Variants in TSPEAR observed in about 807,000 individuals in gnomAD.
TSPEAR encodes the protein thrombospondin type laminin G domain and EAR repeats, also known as thrombospondin-type laminin G domain and EAR repeat-containing protein.
Under a neutral mutation model 71.6 loss-of-function variants are expected in TSPEAR, and 69 were observed. The observed-to-expected ratio is 0.96, with a 90% CI of 0.79 to 1.18. The LOEUF is 1.18. Among genes scored for constraint, TSPEAR ranks in the 50% most tolerant of loss-of-function variants. The pLI, the probability that TSPEAR is intolerant of heterozygous loss-of-function variation, is 0.00. For missense variants in TSPEAR, 971 were observed against 894.9 expected (o/e 1.09, Z -1.09); for synonymous variants, 402 against 387.2 (o/e 1.04, Z -0.45).
chr21:44,704,865 C>T (rs1158064877), intron 1 of TSPEAR, among the ~76,000 whole-genome samples: 2 of 152,148 alleles, frequency 1.3e-5, no homozygotes, highest in African/African-American at 4.8e-5. Flanking sequence ...CTGGATGGAG[C>T]CCAGCTGCCT....
intron 1 of TSPEAR, among the ~76,000 whole-genome samples, chr21:44,617,183 C>G (rs1458437327): frequency 1.3e-5 from 2 of 152,240 alleles, no homozygotes; most frequent in Admixed American, 1.3e-4. Context: ...GCACTGACTC[C>G]TGGCAGGTGG....
intron 1 of TSPEAR, among the ~76,000 whole-genome samples, chr21:44,673,034 C>T (rs1555946294): frequency 6.6e-6 from 1 of 152,170 alleles, no homozygotes; most frequent in East Asian, 1.9e-4. Context: ...TATAGCAATG[C>T]AAGAACGTAC....
Position 44,627,196 on chromosome 21 carries a change from C to T in TSPEAR, c.83-59191G>A, listed in dbSNP as rs200370315. On this transcript the variant is annotated intron_variant, in intron 1 of 11. Coordinates refer to ENST00000323084, the MANE Select transcript of TSPEAR (RefSeq NM_144991.3). ...CATGGCCGCGTCCACCATGTCCATC[C>T]GCTCCAGCGCTTACTCCGACTCCTG... 1,584 of 1,612,010 alleles carry T rather than the reference C, an allele frequency of 9.8e-4. 10 individuals are homozygous for T. In the African/African-American group the frequency reaches 0.018, roughly 18 times the overall value.
intron 1 of TSPEAR, among the ~76,000 whole-genome samples, chr21:44,636,106 A>G (rs73907094): frequency 0.03 from 4,549 of 152,280 alleles, 237 homozygotes; most frequent in African/African-American, 0.1. Context: ...CATGGAGATT[A>G]CAAGTACTTT....
At position 44,509,213 on chromosome 21, in the gene TSPEAR, G is replaced by C; in HGVS notation, c.1740C>G (p.Asp580Glu). 6.2e-7 allele frequency: 1 copy of C among 1,613,950 alleles called. No individual in the cohort carries two copies. ...VTAQAFVKFQDILTCSALDWE... is the reference protein window; with the variant it reads ...VTAQAFVKFQEILTCSALDWE... ...GAGGCGCATACCTGCAGGTGAGAATGTCCTGGAACTTGACAAAGGCCTGCG... is the reference window on the plus strand; with the variant it reads ...GAGGCGCATACCTGCAGGTGAGAATCTCCTGGAACTTGACAAAGGCCTGCG... The change falls in exon 10 of 12, where the codon GAC becomes GAG. Residue 580 changes from aspartate (D) to glutamate (E), a missense_variant. Transcript: ENST00000323084.
chr21:44,683,858 A>G (rs1458018676), intron 1 of TSPEAR, among the ~76,000 whole-genome samples: 3 of 152,366 alleles, frequency 2.0e-5, no homozygotes, highest in African/African-American at 7.2e-5. Context: ...ATGAATGGAT[A>G]AATAGGGAAT....
intron 1 of TSPEAR, among the ~76,000 whole-genome samples, chr21:44,705,579 G>A (rs1987871848): frequency 6.6e-6 from 1 of 152,186 alleles, no homozygotes; most frequent in Admixed American, 6.5e-5. Context: ...GCCCCCCCGG[G>A]GCGTACCTGT....
At chr21:44,683,515 A>G (rs552975620) in intron 1 of TSPEAR, among the ~76,000 whole-genome samples, 1 of 152,028 alleles carries the variant, frequency 6.6e-6, no homozygotes, top group East Asian at 1.9e-4. Flanking sequence ...AAAAATGGTT[A>G]AAAATTAGCC....
intron 5 of TSPEAR, among the ~76,000 whole-genome samples, chr21:44,529,454 G>C (rs1473321512): frequency 1.3e-5 from 2 of 152,200 alleles, no homozygotes; most frequent in African/African-American, 4.8e-5. Context: ...TGTCCTTGGG[G>C]GGCAAAAGGG....
chr21:44,521,938 T>G lies in TSPEAR; in HGVS notation c.1511A>C (p.His504Pro), dbSNP rs1200035781. ...CAGGAGTCGGATGTAGAGGTGCGAG[T>G]GCACCTTGGTGGAGGTGCCGTTGAA... ...NTFNGTSTKV[H>P]SHLYIRLLGS... Residue 504 changes from histidine (H) to proline (P), a missense_variant, in exon 9 of 12, where the codon CAC (histidine) becomes CCC (proline). His to Pro is a moderately conservative substitution (Grantham distance 77). Transcript: ENST00000323084. 6.2e-7 allele frequency: 1 copy of G among 1,613,654 alleles called. No individual in the cohort carries two copies. The highest frequency in any genetic ancestry group is 1.3e-5 in the African/African-American group (1 of 74,798).
intron 1 of TSPEAR, among the ~76,000 whole-genome samples, chr21:44,648,517 T>C (rs1396968691): frequency 1.3e-5 from 2 of 152,084 alleles, no homozygotes; most frequent in African/African-American, 2.4e-5. Flanking sequence ...CATAAATAAG[T>C]GGACAAAGGC....
chr21:44,653,734 G>A (rs1317651828), intron 1 of TSPEAR, among the ~76,000 whole-genome samples: 8 of 152,178 alleles, frequency 5.3e-5, no homozygotes, highest in Non-Finnish European at 1.0e-4. Flanking sequence ...AGTAAGAACT[G>A]ACCTCATACA....
Position 44,528,565 on chromosome 21 carries a change from G to A in TSPEAR, c.809C>T (p.Thr270Met), listed in dbSNP as rs587636728. 360 of 1,614,018 alleles carry A rather than the reference G, an allele frequency of 2.2e-4. 2 individuals are homozygous for A. The South Asian group carries it at 3.4e-3, about 15-fold the overall frequency. ...KYPYETNIRVTLGPQPPCTEV... is the reference protein window; with the variant it reads ...KYPYETNIRVMLGPQPPCTEV... ...GGTACACGGTGGCTGGGGTCCCAGC[G>A]TCACTCGAATGTTGGTTTCTGAGGG... Residue 270 changes from threonine to methionine, a missense_variant, in exon 6 of 12, where the codon ACG (threonine) becomes ATG (methionine). Coordinates refer to ENST00000323084, the MANE Select transcript of TSPEAR (RefSeq NM_144991.3).
At chr21:44,541,004 C>T (rs746670457) in intron 2 of TSPEAR, among the ~76,000 whole-genome samples, 8 of 147,276 alleles carry the variant, frequency 5.4e-5, no homozygotes, top group Non-Finnish European at 1.0e-4. Context: ...GTACAGATGG[C>T]GTCTCAAGTG....
chr21:44,603,226 C>T (rs587769377), intron 1 of TSPEAR, among the ~76,000 whole-genome samples: 1 of 152,202 alleles, frequency 6.6e-6, no homozygotes, highest in East Asian at 1.9e-4. Flanking sequence ...AATAAGCCCC[C>T]ACATGTCCCA....
intron 9 of TSPEAR, among the ~76,000 whole-genome samples, chr21:44,516,876 C>T (rs1555913516): frequency 6.6e-6 from 1 of 152,218 alleles, no homozygotes; most frequent in African/African-American, 2.4e-5. Flanking sequence ...TCCCCTCCTT[C>T]CTTCCCAGAG....
chr21:44,627,723 G>T, intron 1 of TSPEAR: 1 of 1,594,588 alleles, frequency 6.3e-7, no homozygotes, highest in Middle Eastern at 1.7e-4. Context: ...CCTACTGTGT[G>T]CCTGTCTGCT....
intron 1 of TSPEAR, among the ~76,000 whole-genome samples, chr21:44,671,996 C>T (rs1389630297): frequency 6.6e-6 from 1 of 151,846 alleles, no homozygotes; most frequent in Non-Finnish European, 1.5e-5. Context: ...ACCAAAGAGA[C>T]AGATATCATA....
chr21:44,518,553 T>C, intron 9 of TSPEAR: 1 of 437,384 alleles, frequency 2.3e-6, no homozygotes, highest in Admixed American at 2.6e-5. Context: ...GACAGCAGCC[T>C]CTCCGTGGCA....
Sources: gnomAD v4.1 joint callset for allele counts (sites outside exome capture counted in the v4.1 genomes callset) on GRCh38, gnomAD v4.1.1 for gene constraint, MANE v1.5 for transcripts, NCBI Gene and HGNC (gene_info 2026-07-23, HGNC 2026-07-21) for gene names.